PLCB1: variants seen among roughly 807,000 people sequenced by gnomAD.
The protein encoded by PLCB1 is 1-phosphatidylinositol 4,5-bisphosphate phosphodiesterase beta-1.
A neutral mutation model predicts 161.8 loss-of-function variants in PLCB1; 46 were observed. That is an observed-to-expected ratio of 0.28 (90% CI 0.22 to 0.36). The LOEUF is 0.36. PLCB1 is among the 10% of genes least tolerant of loss of function. The pLI, the probability that PLCB1 is intolerant of heterozygous loss-of-function variation, is 1.00. For synonymous variants in PLCB1, 517 were observed against 503.7 expected (o/e 1.03, Z -0.35); for missense variants, 1,016 against 1,472.5 (o/e 0.69, Z 5.07).
chr20:8,136,422 C>G (rs1483331856), intron 1 of PLCB1, among the ~76,000 whole-genome samples: 11 of 152,024 alleles, frequency 7.2e-5, no homozygotes, highest in South Asian at 2.1e-4. Flanking sequence ...ACCAGGAGAT[C>G]GAGACCATCC....
At chr20:8,629,219 C>T (rs1410323215) in intron 4 of PLCB1, among the ~76,000 whole-genome samples, 1 of 151,850 alleles carries the variant, frequency 6.6e-6, no homozygotes, top group Non-Finnish European at 1.5e-5. Context: ...GAAAAACTAA[C>T]AGTTTAAAAT....
intron 11 of PLCB1, among the ~76,000 whole-genome samples, chr20:8,706,351 C>G (rs1425069971): frequency 6.6e-6 from 1 of 152,116 alleles, no homozygotes; most frequent in Non-Finnish European, 1.5e-5. Context: ...AAGGGGGAAG[C>G]AAATACGTGG....
At chr20:8,535,295 A>C (rs1291847521) in intron 3 of PLCB1, among the ~76,000 whole-genome samples, 5 of 150,750 alleles carry the variant, frequency 3.3e-5, no homozygotes, top group Non-Finnish European at 1.5e-5. Context: ...ATTTTGTTGT[A>C]ATTAGAATAT....
At chr20:8,195,897 G>C (rs934797793) in intron 2 of PLCB1, among the ~76,000 whole-genome samples, 2 of 152,126 alleles carry the variant, frequency 1.3e-5, no homozygotes, top group African/African-American at 2.4e-5. Flanking sequence ...CTGAGACTGG[G>C]TAATTTATAA....
At chr20:8,432,260 C>T (rs1336620514) in intron 3 of PLCB1, among the ~76,000 whole-genome samples, 1 of 152,172 alleles carries the variant, frequency 6.6e-6, no homozygotes, top group Non-Finnish European at 1.5e-5. Context: ...ATCCCAGGTT[C>T]CACCCAGGAA....
chr20:8,145,449 C>T (rs1254092818), intron 1 of PLCB1, among the ~76,000 whole-genome samples: 1 of 152,200 alleles, frequency 6.6e-6, no homozygotes, highest in Non-Finnish European at 1.5e-5. Context: ...CCACGATAAA[C>T]CTGGTGACAT....
rs1978555580 is a variant in PLCB1 at position 8,401,613 on chromosome 20, TCTG to T, written c.246+30167_246+30169del. Among the ~76,000 whole-genome samples, 4 of 152,330 alleles carry T rather than the reference TCTG, an allele frequency of 2.6e-5. No individual in the cohort carries two copies. The South Asian group carries it at 8.3e-4, about 32-fold the overall frequency. The stretch of plus-strand genomic sequence containing the variant: ...AAAAATACATCTCTTGCTCAAACCA[TCTG>T]CTGAAGGTCTGCAAAAACATTCCAA... On this transcript the variant is annotated intron_variant, in intron 3 of 31. Transcript: ENST00000338037.
At chr20:8,183,843 A>C (rs1024950315) in intron 2 of PLCB1, among the ~76,000 whole-genome samples, 4 of 152,198 alleles carry the variant, frequency 2.6e-5, no homozygotes, top group Non-Finnish European at 5.9e-5. Context: ...TCTTATTTGC[A>C]GCCACTGAGA....
chr20:8,732,800 TATATGTTAGATATTAG>T (rs1980337893), intron 18 of PLCB1, among the ~76,000 whole-genome samples: 1 of 145,376 alleles, frequency 6.9e-6, no homozygotes, highest in Non-Finnish European at 1.5e-5. Flanking sequence ...ATATATCTAA[TATATGTTAGATATTAG>T]ATATTTTGTA....
At chr20:8,773,748 C>T (rs1982807096) in intron 26 of PLCB1, among the ~76,000 whole-genome samples, 1 of 152,086 alleles carries the variant, frequency 6.6e-6, no homozygotes, top group African/African-American at 2.4e-5. Flanking sequence ...CTGAGATGGG[C>T]AGATCACTTG....
chr20:8,179,236 T>G (rs2051813838), intron 2 of PLCB1, among the ~76,000 whole-genome samples: 1 of 152,190 alleles, frequency 6.6e-6, no homozygotes, highest in African/African-American at 2.4e-5. Flanking sequence ...TATGGCCAGT[T>G]TATCAATATT....
chr20:8,674,223 A>G (rs775553678), intron 9 of PLCB1, among the ~76,000 whole-genome samples: 2 of 152,228 alleles, frequency 1.3e-5, no homozygotes, highest in Non-Finnish European at 2.9e-5. Flanking sequence ...GATAAATGCT[A>G]TGGAGAAATA....
chr20:8,422,718 T>A (rs933231653), intron 3 of PLCB1, among the ~76,000 whole-genome samples: 2 of 152,178 alleles, frequency 1.3e-5, no homozygotes, highest in African/African-American at 4.8e-5. Context: ...GATATTTTTA[T>A]GGGAGGGAAT....
intron 9 of PLCB1, among the ~76,000 whole-genome samples, chr20:8,665,346 A>G (rs115578851): frequency 0.016 from 2,506 of 152,306 alleles, 53 homozygotes; most frequent in African/African-American, 0.049. Context: ...CTAAATTGTC[A>G]TTTACCTGAA....
chr20:8,828,255 A>C (rs1353957198), intron 31 of PLCB1, among the ~76,000 whole-genome samples: 1 of 152,164 alleles, frequency 6.6e-6, no homozygotes, highest in African/African-American at 2.4e-5. Flanking sequence ...GTGTCTTTGC[A>C]GGTTTTTTAG....
Position 8,593,476 on chromosome 20 carries a change from G to C in PLCB1, c.247-34818G>C, listed in dbSNP as rs544101096. Among the ~76,000 whole-genome samples, 14 of 152,134 alleles carry C rather than the reference G, an allele frequency of 9.2e-5. 1 individual carries two copies. The highest frequency in any genetic ancestry group is 1.9e-4 in the African/African-American group (8 of 41,492). On this transcript the variant is annotated intron_variant, in intron 3 of 31. Coordinates refer to ENST00000338037, the MANE Select transcript of PLCB1 (RefSeq NM_015192.4). ...CTCAAAGTGCTGGGATTACAAGTGT[G>C]AGCCACCACACCCAGCCCCATGTAG... is the stretch of plus-strand genomic sequence containing the variant.
intron 31 of PLCB1, among the ~76,000 whole-genome samples, chr20:8,813,264 G>T (rs1984920504): frequency 6.6e-6 from 1 of 152,172 alleles, no homozygotes; most frequent in South Asian, 2.1e-4. Flanking sequence ...CTCGCGGAAA[G>T]CTTTGGCAAG....
At chr20:8,410,055 C>T (rs1236447830) in intron 3 of PLCB1, among the ~76,000 whole-genome samples, 2 of 151,994 alleles carry the variant, frequency 1.3e-5, no homozygotes, top group Admixed American at 6.6e-5. Flanking sequence ...TAAATTCACA[C>T]TGTGTATGCT....
intron 2 of PLCB1, among the ~76,000 whole-genome samples, chr20:8,281,151 T>G (rs1982857457): frequency 6.6e-6 from 1 of 152,230 alleles, no homozygotes; most frequent in Non-Finnish European, 1.5e-5. Flanking sequence ...ATTAGCATAT[T>G]TTTTTCAAAG....
Sources: allele counts gnomAD v4.1 joint callset (sites outside exome capture counted in the v4.1 genomes callset), GRCh38; gene constraint gnomAD v4.1.1; transcripts MANE v1.5; gene names NCBI Gene and HGNC (gene_info 2026-07-23, HGNC 2026-07-21).